Variants in RELL1 observed in about 807,000 individuals in gnomAD.
RELL1 encodes the protein RELT like 1.
RELL1 carries 10 observed loss-of-function variants against 23.0 expected under a neutral mutation model. The ratio of observed to expected loss-of-function variants is 0.43; its 90% CI spans 0.27 to 0.74. RELL1 has a LOEUF of 0.74. Among genes scored for constraint, RELL1 ranks in the 30% least tolerant of loss-of-function variants. The pLI, the probability that RELL1 is intolerant of heterozygous loss-of-function variation, is 0.19. For synonymous variants in RELL1, 146 were observed against 146.8 expected, an observed-to-expected ratio of 0.99 and a Z score of 0.04; for missense variants, 315 against 364.4, an observed-to-expected ratio of 0.86 and a Z score of 1.10.
chr4:37,596,173 C>A (rs1297889557), intron 6 of RELL1, among the ~76,000 whole-genome samples: 1 of 152,176 alleles, frequency 6.6e-6, no homozygotes, highest in African/African-American at 2.4e-5. Flanking sequence ...GCTGTGTGAC[C>A]TTTTGACTTT....
Position 37,638,461 on chromosome 4 carries a change from C to T in RELL1, c.429G>A (p.Leu143=), listed in dbSNP as rs916292858. 48 of 1,612,630 alleles carry T rather than the reference C, an allele frequency of 3.0e-5. No homozygotes were observed. Among genetic ancestry groups the T allele is most frequent in the Non-Finnish European group, 4.0e-5 (47 of 1,179,158 alleles). The change falls in exon 4 of 7, where the codon CTG becomes CTA. Residue 143 remains leucine (L), a synonymous_variant. Coordinates refer to ENST00000454158, the MANE Select transcript of RELL1 (RefSeq NM_001085400.2). ...VLKAMVADNS[L]YDPESPVTPS... ...GGAGCACTCACCTTTCAGGATCATA[C>T]AGGCTGTTATCTGCTACCATCGCCT... is the stretch of plus-strand genomic sequence containing the variant.
rs138324829 is a variant in RELL1 at position 37,659,479 on chromosome 4, T to C, written c.89-9979A>G. 9.6e-3 allele frequency among the ~76,000 whole-genome samples: 1,467 copies of C among 152,292 alleles called. 33 individuals carry two copies. The highest frequency in any genetic ancestry group is 0.033 in the African/African-American group (1,382 of 41,552). On this transcript the variant is annotated intron_variant, in intron 1 of 6. Transcript: ENST00000454158. ...GACAGAATGGCGGGGAAATGGCATT[T>C]CTCACACCCAGTGGGCATGGCTTGA...
intron 6 of RELL1, among the ~76,000 whole-genome samples, chr4:37,597,966 G>T (rs1036150827): frequency 6.6e-6 from 1 of 151,358 alleles, no homozygotes; most frequent in Non-Finnish European, 1.5e-5. Context: ...CAGGAGAATT[G>T]CTTGAACCCA....
intron 1 of RELL1, among the ~76,000 whole-genome samples, chr4:37,660,041 T>A (rs1560351713): frequency 1.3e-5 from 2 of 152,170 alleles, no homozygotes; most frequent in Non-Finnish European, 2.9e-5. Context: ...CAAGGTTAGC[T>A]GGAAAATAGT....
At chr4:37,678,255 C>T (rs74660980) in intron 1 of RELL1, among the ~76,000 whole-genome samples, 2,141 of 152,284 alleles carry the variant, frequency 0.014, 109 homozygotes, top group South Asian at 0.14. Context: ...CATGATGATG[C>T]TAAATCATTC....
intron 3 of RELL1, among the ~76,000 whole-genome samples, chr4:37,641,529 C>T (rs1197337144): frequency 6.6e-6 from 1 of 152,212 alleles, no homozygotes; most frequent in African/African-American, 2.4e-5. Context: ...GTGGTTTTCT[C>T]CACACTTGCC....
downstream of RELL1, among the ~76,000 whole-genome samples, chr4:37,589,780 T>C (rs910201840): frequency 6.6e-6 from 1 of 152,130 alleles, no homozygotes; most frequent in Non-Finnish European, 1.5e-5. Flanking sequence ...TACAGGTGCC[T>C]ACCACCTCAC....
intron 2 of RELL1, 110 bp downstream of exon 2, chr4:37,649,166 T>C: frequency 1.1e-6 from 1 of 886,224 alleles, no homozygotes; most frequent in South Asian, 1.6e-5. Context: ...CTGCACCACC[T>C]GCCACTAAAA....
At chr4:37,669,107 G>C (rs1220903085) in intron 1 of RELL1, among the ~76,000 whole-genome samples, 2 of 128,942 alleles carry the variant, frequency 1.6e-5, no homozygotes, top group Non-Finnish European at 1.6e-5. Context: ...GGTGAGGGGC[G>C]CCTCTGCCCG....
At chr4:37,592,910 G>A (rs1718686758) in intron 6 of RELL1, among the ~76,000 whole-genome samples, 1 of 152,334 alleles carries the variant, frequency 6.6e-6, no homozygotes, top group Non-Finnish European at 1.5e-5. Flanking sequence ...TGGGAAGTAT[G>A]TATAATGTCA....
chr4:37,644,560 G>A (rs1720643957), intron 3 of RELL1, among the ~76,000 whole-genome samples: 1 of 151,358 alleles, frequency 6.6e-6, no homozygotes, highest in Non-Finnish European at 1.5e-5. Context: ...TGCCTCCCGG[G>A]TTCAAGTGAT....
chr4:37,663,686 G>A (rs1388572197), intron 1 of RELL1, among the ~76,000 whole-genome samples: 1 of 152,204 alleles, frequency 6.6e-6, no homozygotes, highest in Non-Finnish European at 1.5e-5. Flanking sequence ...TCGGTGTGTA[G>A]GAGGACAGGA....
chr4:37,590,651 T>G (rs563108544), downstream of RELL1: 1 of 1,613,994 alleles, frequency 6.2e-7, no homozygotes. Flanking sequence ...GGAGACAACG[T>G]TGATCATAAT....
At chr4:37,667,159 T>C (rs1199344985) in intron 1 of RELL1, among the ~76,000 whole-genome samples, 1 of 151,968 alleles carries the variant, frequency 6.6e-6, no homozygotes, top group Non-Finnish European at 1.5e-5. Context: ...GAGAAATGAA[T>C]GTCACTAGCA....
At chr4:37,685,680 C>A (rs752940068) in intron 1 of RELL1, among the ~76,000 whole-genome samples, 77 of 152,220 alleles carry the variant, frequency 5.1e-4, no homozygotes, top group Non-Finnish European at 8.2e-4. Flanking sequence ...TGACCTGTTA[C>A]AAGAATCCAT....
At chr4:37,670,864 AC>A (rs1477005261) in intron 1 of RELL1, among the ~76,000 whole-genome samples, 9 of 152,120 alleles carry the variant, frequency 5.9e-5, no homozygotes, top group Admixed American at 3.3e-4. Context: ...GAGCCACCGC[AC>A]CCGGCCGCCC....
chr4:37,646,249 A>G (rs184266305), intron 3 of RELL1, among the ~76,000 whole-genome samples: 10 of 152,378 alleles, frequency 6.6e-5, no homozygotes, highest in African/African-American at 2.4e-4. Context: ...GCTCAGAACA[A>G]TAACCGTAAA....
chr4:37,649,458 G>T lies in RELL1; in HGVS notation c.131C>A (p.Thr44Asn). 6.2e-7 allele frequency: 1 copy of T among 1,614,088 alleles called. No individual in the cohort carries two copies. ...SRTLHSRTET[T>N]PSPSNDTGNG... ...CCCAGTATCGTTGCTGGGCGACGGG[G>T]TCGTCTCTGTTCTGGAGTGCAATGT... is the stretch of plus-strand genomic sequence containing the variant. Residue 44 changes from threonine (T) to asparagine (N), a missense_variant, in exon 2 of 7, where the codon ACC (threonine) becomes AAC (asparagine). By Grantham distance (65) the Thr-to-Asn change is moderately conservative (BLOSUM62 0). Transcript: ENST00000454158.
At chr4:37,673,715 G>C (rs1048240331) in intron 1 of RELL1, among the ~76,000 whole-genome samples, 1 of 152,152 alleles carries the variant, frequency 6.6e-6, no homozygotes, top group South Asian at 2.1e-4. Flanking sequence ...ATGGCAATCT[G>C]AACTGCCCTG....
Sources: allele counts gnomAD v4.1 joint callset (sites outside exome capture counted in the v4.1 genomes callset), GRCh38; gene constraint gnomAD v4.1.1; transcripts MANE v1.5; gene names NCBI Gene and HGNC (gene_info 2026-07-23, HGNC 2026-07-21).